The following NR3C2 variants were observed in gnomAD, a reference collection of about 807,000 sequenced individuals.
The protein encoded by NR3C2 is mineralocorticoid receptor.
A neutral mutation model predicts 86.4 loss-of-function variants in NR3C2; 15 were observed. The observed-to-expected ratio is 0.17, with a 90% CI of 0.12 to 0.27. The LOEUF (loss-of-function observed/expected upper bound fraction) is 0.27, where lower values mean the gene tolerates loss of function less well. Among genes scored for constraint, NR3C2 ranks in the 10% least tolerant of loss-of-function variants. The pLI, the probability that NR3C2 is intolerant of heterozygous loss-of-function variation, is 1.00. For synonymous variants in NR3C2, 458 were observed against 450.5 expected, an observed-to-expected ratio of 1.02 and a Z score of -0.21; for missense variants, 960 against 1,195.6, an observed-to-expected ratio of 0.80 and a Z score of 2.91.
At chr4:148,154,067 G>A (rs1233736482) in intron 5 of NR3C2, among the ~76,000 whole-genome samples, 3 of 150,706 alleles carry the variant, frequency 2.0e-5, no homozygotes, top group Admixed American at 1.3e-4. Context: ...GGAGTATAGT[G>A]GTGGGATCTC....
At chr4:148,354,895 G>A (rs181115830) in intron 2 of NR3C2, among the ~76,000 whole-genome samples, 1 of 152,022 alleles carries the variant, frequency 6.6e-6, no homozygotes, top group African/African-American at 2.4e-5. Context: ...CATGAAATTA[G>A]AACAAAAACA....
At chr4:148,261,447 A>G (rs1740119061) in intron 2 of NR3C2, among the ~76,000 whole-genome samples, 1 of 152,158 alleles carries the variant, frequency 6.6e-6, no homozygotes, top group Middle Eastern at 3.2e-3. Context: ...CGCTACGGTC[A>G]GTGCTATGGT....
At chr4:148,159,042 T>G (rs922817054) in intron 4 of NR3C2, among the ~76,000 whole-genome samples, 1 of 152,188 alleles carries the variant, frequency 6.6e-6, no homozygotes, top group Non-Finnish European at 1.5e-5. Flanking sequence ...ACTTAATTCA[T>G]TATATTTATA....
At chr4:148,297,589 G>A (rs1242067158) in intron 2 of NR3C2, among the ~76,000 whole-genome samples, 3 of 152,034 alleles carry the variant, frequency 2.0e-5, no homozygotes, top group African/African-American at 7.2e-5. Context: ...GTGAAACCAT[G>A]TGTCTACTAA....
At chr4:148,399,643 A>C (rs1324130730) in intron 2 of NR3C2, among the ~76,000 whole-genome samples, 2 of 151,664 alleles carry the variant, frequency 1.3e-5, no homozygotes, top group Non-Finnish European at 2.9e-5. Context: ...TACATAAACA[A>C]ACACTACTCT....
At chr4:148,196,411 T>C (rs1351987237) in intron 3 of NR3C2, among the ~76,000 whole-genome samples, 1 of 152,116 alleles carries the variant, frequency 6.6e-6, no homozygotes, top group Non-Finnish European at 1.5e-5. Context: ...CTTATGTATG[T>C]GATTTTAAGC....
chr4:148,442,648 A>C (rs932551955), upstream of NR3C2: 3 of 985,310 alleles, frequency 3.0e-6, no homozygotes, highest in African/African-American at 1.7e-5. Context: ...TGGACAATCC[A>C]GGCTGTCAGT....
chr4:148,157,369 A>C (rs575678470), intron 4 of NR3C2, among the ~76,000 whole-genome samples: 1 of 152,204 alleles, frequency 6.6e-6, no homozygotes, highest in South Asian at 2.1e-4. Flanking sequence ...ACTGTTCTAA[A>C]TGCTCTATAT....
rs541065397 is a variant in NR3C2 at position 148,098,035 on chromosome 4, C to T, written c.2799+16069G>A. Among the ~76,000 whole-genome samples, 5 of 152,190 alleles carry T rather than the reference C, an allele frequency of 3.3e-5. No individual in the cohort carries two copies. In the South Asian group the frequency reaches 1.0e-3, roughly 32 times the overall value. On this transcript the variant is annotated intron_variant, in intron 8 of 8. Transcript: ENST00000358102. ...TCCACACTTCCGCCCACTCCCAAGC[C>T]CTTAAAAACCCCTGCCCCAAACTCC...
At chr4:148,244,380 C>G (rs1168754806) in intron 3 of NR3C2, among the ~76,000 whole-genome samples, 1 of 152,192 alleles carries the variant, frequency 6.6e-6, no homozygotes, top group Non-Finnish European at 1.5e-5. Context: ...CCCTCCCCTC[C>G]ACTTTTCTCC....
chr4:148,252,120 A>G (rs1739606683), intron 3 of NR3C2, among the ~76,000 whole-genome samples: 1 of 152,190 alleles, frequency 6.6e-6, no homozygotes, highest in South Asian at 2.1e-4. Flanking sequence ...AAATGAGGAT[A>G]GATAATAACC....
chr4:148,384,516 G>A (rs1289023794), intron 2 of NR3C2, among the ~76,000 whole-genome samples: 2 of 151,882 alleles, frequency 1.3e-5, no homozygotes, highest in Admixed American at 6.6e-5. Context: ...CAAATACTAT[G>A]CATATCAACA....
intron 2 of NR3C2, among the ~76,000 whole-genome samples, chr4:148,357,103 T>TA (rs1387943710): frequency 6.6e-6 from 1 of 152,164 alleles, no homozygotes; most frequent in East Asian, 1.9e-4. Flanking sequence ...TAAAAACCTA[T>TA]AATCCCATGG....
At chr4:148,354,722 G>T (rs188737305) in intron 2 of NR3C2, among the ~76,000 whole-genome samples, 1 of 151,868 alleles carries the variant, frequency 6.6e-6, no homozygotes, top group East Asian at 1.9e-4. Context: ...AATGACATTC[G>T]TATATAAAGT....
chr4:148,232,219 A>G (rs962634015), intron 3 of NR3C2, among the ~76,000 whole-genome samples: 1 of 152,218 alleles, frequency 6.6e-6, no homozygotes, highest in Non-Finnish European at 1.5e-5. Context: ...GATCCATCAG[A>G]GGAATCACTA....
chr4:148,161,182 C>T (rs1734641492), intron 4 of NR3C2, among the ~76,000 whole-genome samples: 1 of 150,540 alleles, frequency 6.6e-6, no homozygotes. Flanking sequence ...AAGTTGAATA[C>T]AGGTTGTTTT....
intron 2 of NR3C2, among the ~76,000 whole-genome samples, chr4:148,299,371 C>G (rs79370954): frequency 0.029 from 4,478 of 152,242 alleles, 99 homozygotes; most frequent in African/African-American, 0.062. Flanking sequence ...CCAACCCTGT[C>G]GCTCTGGGGG....
chr4:148,302,848 A>C (rs1472782111), intron 2 of NR3C2, among the ~76,000 whole-genome samples: 1 of 46,352 alleles, frequency 2.2e-5, no homozygotes, highest in Non-Finnish European at 7.1e-5. Context: ...CTCCGTCTCA[A>C]AAAAAAAAAA....
chr4:148,441,897 T>G (rs1470140531), intron 1 of NR3C2, among the ~76,000 whole-genome samples: 1 of 152,136 alleles, frequency 6.6e-6, no homozygotes, highest in Non-Finnish European at 1.5e-5. Flanking sequence ...AAGGGAAGGG[T>G]GGTAGACCTC....
Sources: gnomAD v4.1 joint callset for allele counts (sites outside exome capture counted in the v4.1 genomes callset) on GRCh38, gnomAD v4.1.1 for gene constraint, MANE v1.5 for transcripts, NCBI Gene and HGNC (gene_info 2026-07-23, HGNC 2026-07-21) for gene names.